ZPBP: variants seen among roughly 807,000 people sequenced by gnomAD.
The protein encoded by ZPBP is zona pellucida binding protein.
Under a neutral mutation model 44.8 loss-of-function variants are expected in ZPBP, and 26 were observed. That is an observed-to-expected ratio of 0.58 (90% CI 0.43 to 0.81). ZPBP has a LOEUF of 0.81. ZPBP is among the 30% of genes least tolerant of loss of function. ZPBP has a pLI of 0.00. For missense variants in ZPBP, 409 were observed against 434.0 expected, an observed-to-expected ratio of 0.94 and a Z score of 0.51; for synonymous variants, 174 against 153.2, an observed-to-expected ratio of 1.14 and a Z score of -1.00.
At chr7:49,974,755 G>A (rs1796430357) in intron 7 of ZPBP, among the ~76,000 whole-genome samples, 1 of 5,226 alleles carries the variant, frequency 1.9e-4, no homozygotes, top group Non-Finnish European at 3.6e-4. Context: ...CATACATTTG[G>A]CAAATGTCTG....
intron 2 of ZPBP, among the ~76,000 whole-genome samples, chr7:49,857,940 G>A (rs896545141): frequency 2.0e-5 from 3 of 152,318 alleles, no homozygotes; most frequent in Non-Finnish European, 4.4e-5. Context: ...TGATACATCA[G>A]AGATGAGACC....
chr7:49,979,757 A>G (rs1334582347), intron 7 of ZPBP, among the ~76,000 whole-genome samples: 1 of 142,428 alleles, frequency 7.0e-6, no homozygotes, highest in Non-Finnish European at 1.5e-5. Context: ...CTTAACTACT[A>G]TGTTCCAGTT....
At chr7:49,951,475 T>C (rs1795340531) in intron 7 of ZPBP, among the ~76,000 whole-genome samples, 1 of 149,926 alleles carries the variant, frequency 6.7e-6, no homozygotes. Context: ...CATCATTACA[T>C]CATTCAGGAA....
At chr7:50,007,003 G>A (rs1162646832) in intron 6 of ZPBP, among the ~76,000 whole-genome samples, 1 of 151,868 alleles carries the variant, frequency 6.6e-6, no homozygotes, top group Non-Finnish European at 1.5e-5. Flanking sequence ...AGTCATGAGA[G>A]CAGGATCCTC....
chr7:49,912,124 A>T, intron 1 of ZPBP: 1 of 1,614,172 alleles, frequency 6.2e-7, no homozygotes, highest in Non-Finnish European at 8.5e-7. Context: ...ACTTATGAGG[A>T]AGGCACATGG....
intron 6 of ZPBP, among the ~76,000 whole-genome samples, chr7:50,012,133 T>A (rs1798616309): frequency 6.6e-6 from 1 of 151,170 alleles, no homozygotes; most frequent in South Asian, 2.1e-4. Context: ...TCACTACAAA[T>A]CTTACAAATA....
chr7:50,019,854 C>A (rs886073069), intron 5 of ZPBP, among the ~76,000 whole-genome samples: 2 of 151,944 alleles, frequency 1.3e-5, no homozygotes, highest in Non-Finnish European at 2.9e-5. Context: ...GGGTCACAGA[C>A]TTGGGGGAGA....
intron 2 of ZPBP, among the ~76,000 whole-genome samples, chr7:49,894,132 C>T (rs1179729366): frequency 1.3e-5 from 2 of 150,626 alleles, no homozygotes; most frequent in Admixed American, 6.6e-5. Context: ...GACATAGACA[C>T]CTATGTGTGT....
chr7:49,849,167 C>A (rs1477508026), downstream of ZPBP, among the ~76,000 whole-genome samples: 1 of 152,174 alleles, frequency 6.6e-6, no homozygotes, highest in South Asian at 2.1e-4. Flanking sequence ...CCCAGGGAAA[C>A]CCCACTGGAT....
At chr7:50,056,467 C>T (rs1198317897) in intron 4 of ZPBP, 1 of 152,220 alleles carries the variant, frequency 6.6e-6, no homozygotes, top group Non-Finnish European at 1.5e-5. Context: ...TCAGGATAAT[C>T]TCCTCATCTC....
chr7:50,046,174 G>A (rs1262703855), intron 4 of ZPBP, among the ~76,000 whole-genome samples: 1 of 152,106 alleles, frequency 6.6e-6, no homozygotes, highest in Non-Finnish European at 1.5e-5. Context: ...TTAAAGGTAA[G>A]ACCTAAAACC....
At chr7:49,877,510 A>G (rs1172813942) in intron 2 of ZPBP, among the ~76,000 whole-genome samples, 1 of 97,356 alleles carries the variant, frequency 1.0e-5, no homozygotes, top group South Asian at 3.5e-4. Context: ...ATATATATAT[A>G]TATATATAGT....
chr7:50,028,036 G>A (rs1290247399), intron 5 of ZPBP, among the ~76,000 whole-genome samples: 1 of 151,938 alleles, frequency 6.6e-6, no homozygotes, highest in Non-Finnish European at 1.5e-5. Context: ...TAGAAGAGGA[G>A]GTAACACTTC....
intron 4 of ZPBP, among the ~76,000 whole-genome samples, chr7:50,041,643 A>ATCCAAAGGTCACCAACATC (rs1800101167): frequency 2.0e-5 from 3 of 152,188 alleles, no homozygotes; most frequent in Admixed American, 6.5e-5. Flanking sequence ...CAAAAACCCC[A>ATCCAAAGGTCACCAACATC]TCCAAAGGTC....
At chr7:50,052,078 A>G (rs1429739990) in intron 4 of ZPBP, among the ~76,000 whole-genome samples, 1 of 152,226 alleles carries the variant, frequency 6.6e-6, no homozygotes, top group African/African-American at 2.4e-5. Flanking sequence ...AGCATGATTC[A>G]CAAAAGCAAA....
chr7:49,990,100 GATC>G (rs1797495813), intron 6 of ZPBP, among the ~76,000 whole-genome samples: 1 of 152,274 alleles, frequency 6.6e-6, no homozygotes, highest in South Asian at 2.1e-4. Flanking sequence ...AAGAAAACTG[GATC>G]TAAGGGATCC....
At chr7:50,084,348 A>AT (rs1201863356) in intron 2 of ZPBP, among the ~76,000 whole-genome samples, 1 of 134,716 alleles carries the variant, frequency 7.4e-6, no homozygotes, top group Non-Finnish European at 1.6e-5. Flanking sequence ...CTGAACATGT[A>AT]CCAAAAAAAA....
At chr7:50,064,671 C>T (rs376239772) in intron 3 of ZPBP, among the ~76,000 whole-genome samples, 11 of 152,174 alleles carry the variant, frequency 7.2e-5, no homozygotes, top group Admixed American at 1.3e-4. Flanking sequence ...GGCTCTGTTC[C>T]GCCCAGCTCG....
At chr7:50,012,713 C>G (rs1399964994) in intron 6 of ZPBP, among the ~76,000 whole-genome samples, 2 of 148,122 alleles carry the variant, frequency 1.4e-5, no homozygotes, top group Admixed American at 6.8e-5. Context: ...TGGTACTTCC[C>G]CCTTTAGGAT....
Sources: allele counts gnomAD v4.1 joint callset (sites outside exome capture counted in the v4.1 genomes callset), GRCh38; gene constraint gnomAD v4.1.1; transcripts MANE v1.5; gene names NCBI Gene and HGNC (gene_info 2026-07-23, HGNC 2026-07-21).